The following EXOC1L variants were observed in gnomAD, a reference collection of about 807,000 sequenced individuals.
The protein encoded by EXOC1L is exocyst complex component 1-like.
EXOC1L carries 10 observed loss-of-function variants against 4.9 expected under a neutral mutation model. The ratio of observed to expected loss-of-function variants is 2.02; its 90% CI spans 1.25 to 3.43. The LOEUF (loss-of-function observed/expected upper bound fraction) is 3.43. Ranked by LOEUF, EXOC1L falls within the 30% of genes most tolerant of loss-of-function variation. The probability of loss-of-function intolerance (pLI) is 0.00; values close to 1 mark genes in which losing one functional copy is unlikely to be tolerated. For synonymous variants in EXOC1L, 41 were observed against 20.8 expected, an observed-to-expected ratio of 1.97 and a Z score of -2.63; for missense variants, 114 against 59.4, an observed-to-expected ratio of 1.92 and a Z score of -3.02.
At chr4:55,835,227 ATAT>A (rs1720130347) in intron 2 of EXOC1L, among the ~76,000 whole-genome samples, 1 of 150,716 alleles carries the variant, frequency 6.6e-6, no homozygotes. Context: ...TATGTTATAT[ATAT>A]TATTATTTCT....
Position 55,824,374 on chromosome 4 carries a change from AT to A in EXOC1L, c.121+4233del, listed in dbSNP as rs201922010. On this transcript the variant is annotated intron_variant, in intron 1 of 2. Coordinates refer to ENST00000636125, the MANE Select transcript of EXOC1L (RefSeq NM_001351574.3). Reference sequence around the variant, plus strand: ...ATTTATTTAAATTTAATTTAATTTTATTTTTTGAGGCAAGGTCTCACTTTGA... The same window carrying A: ...ATTTATTTAAATTTAATTTAATTTTATTTTTGAGGCAAGGTCTCACTTTGA... Among the ~76,000 whole-genome samples the A allele has an allele frequency of 3.0e-3, 454 of 151,204 alleles. 1 individual carries two copies. The highest frequency in any genetic ancestry group is 1.0e-2 in the African/African-American group (411 of 41,112).
At chr4:55,822,789 G>T (rs186195140) in intron 1 of EXOC1L, among the ~76,000 whole-genome samples, 47 of 152,220 alleles carry the variant, frequency 3.1e-4, no homozygotes, top group Middle Eastern at 3.4e-3. Context: ...TGCCCACAGT[G>T]CTCCCCTGTT....
chr4:55,825,240 G>A (rs554422691), intron 1 of EXOC1L, among the ~76,000 whole-genome samples: 31 of 152,244 alleles, frequency 2.0e-4, no homozygotes, highest in Non-Finnish European at 3.7e-4. Flanking sequence ...AAGAAGTTAA[G>A]TACCTAGTCC....
In EXOC1L at chr4:55,830,813, T is replaced by C. The variant is rs938746156; in HGVS notation, c.122-521T>C. On this transcript the variant is annotated intron_variant, in intron 1 of 2. Coordinates refer to ENST00000636125, the MANE Select transcript of EXOC1L (RefSeq NM_001351574.3). The stretch of plus-strand genomic sequence containing the variant: ...TAGCTGTGATGCAAGCATTTCTACA[T>C]TGTAAGTCTCAGAGTGAATTTAAAG... Among the ~76,000 whole-genome samples the C allele has an allele frequency of 7.9e-5, 12 of 152,312 alleles. No individual in the cohort carries two copies. In the East Asian group the frequency reaches 1.7e-3, roughly 22 times the overall value.
chr4:55,836,975 A>G, intron 2 of EXOC1L, 110 bp from the exon 3 acceptor site: 1 of 505,370 alleles, frequency 2.0e-6, no homozygotes, highest in Middle Eastern at 2.9e-4. Context: ...AATATGTTTG[A>G]TACTGATACT....
chr4:55,826,992 T>A (rs2110282185), intron 1 of EXOC1L, among the ~76,000 whole-genome samples: 1 of 152,344 alleles, frequency 6.6e-6, no homozygotes, highest in East Asian at 1.9e-4. Context: ...ATTCCCCACC[T>A]CCAACCTATC....
intron 1 of EXOC1L, among the ~76,000 whole-genome samples, 194 bp from the exon 2 acceptor site, chr4:55,831,140 G>A (rs1198242812): frequency 6.6e-6 from 1 of 152,114 alleles, no homozygotes; most frequent in Non-Finnish European, 1.5e-5. Context: ...CAAAAATAAA[G>A]TTAATACGTT....
At chr4:55,831,936 C>G (rs529439839) in intron 2 of EXOC1L, among the ~76,000 whole-genome samples, 1 of 152,020 alleles carries the variant, frequency 6.6e-6, no homozygotes, top group Non-Finnish European at 1.5e-5. Context: ...AATCTCACCA[C>G]TTGACCCCTG....
At chr4:55,820,535 T>A (rs1719714321) in intron 1 of EXOC1L, among the ~76,000 whole-genome samples, 1 of 152,218 alleles carries the variant, frequency 6.6e-6, no homozygotes, top group African/African-American at 2.4e-5. Flanking sequence ...GAGAATTGAG[T>A]TATACAGCAC....
rs1331447121 is a variant in EXOC1L, at chr4:55,831,409, C to CAA, written c.202_203dup (p.Trp69SerfsTer4). 6 of 691,608 alleles carry CAA rather than the reference C, an allele frequency of 8.7e-6. No homozygotes were observed. Among genetic ancestry groups the CAA allele is most frequent in the Non-Finnish European group, 1.6e-5 (6 of 380,440 alleles). The allele number at this position is 691,608 out of a possible 1,614,324, so 42.8% of individuals were successfully genotyped here. ...GGTTTAGATGAAAAATATGAAGTAA[C>CAA]AAAAAAGTGGTCTTTGAACGATCTG... On this transcript the variant is annotated frameshift_variant, in exon 2 of 3. Transcript: ENST00000636125. LOFTEE classifies it high-confidence loss of function.
chr4:55,831,454 A>G lies in EXOC1L; in HGVS notation c.242A>G (p.Glu81Gly). ...GATCTGCAGATGATTGATGGAAAAG[A>G]AGCAGATACTGTAAGTGTTACATTT... is the stretch of plus-strand genomic sequence containing the variant. ...LNDLQMIDGK[E>G]ADTDNPFFDL... Residue 81 changes from glutamate (E) to glycine (G), a missense_variant, in exon 2 of 3, where the codon GAA becomes GGA. Physicochemically the swap from Glu to Gly is moderately conservative, Grantham distance 98. Transcript: ENST00000636125. 1 of 690,960 alleles carries G rather than the reference A, an allele frequency of 1.4e-6. No individual in the cohort carries two copies. Among genetic ancestry groups the G allele is most frequent in the African/African-American group, 1.8e-5 (1 of 56,636 alleles). The allele number at this position is 690,960 out of a possible 1,614,324, so 42.8% of individuals were successfully genotyped here. A position where few individuals can be genotyped will look rare whatever the true frequency, so the allele number is the denominator to read the frequency against.
chr4:55,825,222 T>C (rs1211313148), intron 1 of EXOC1L, among the ~76,000 whole-genome samples: 1 of 152,136 alleles, frequency 6.6e-6, no homozygotes, highest in African/African-American at 2.4e-5. Context: ...GAGGAAACCA[T>C]AGGTCACAAG....
At chr4:55,821,653 GA>G (rs1402754004) in intron 1 of EXOC1L, among the ~76,000 whole-genome samples, 3 of 151,468 alleles carry the variant, frequency 2.0e-5, no homozygotes, top group African/African-American at 4.8e-5. Context: ...TATCTGACAT[GA>G]AAAAAAAGTC....
chr4:55,830,567 C>T (rs1720004730), intron 1 of EXOC1L, among the ~76,000 whole-genome samples: 1 of 152,052 alleles, frequency 6.6e-6, no homozygotes, highest in South Asian at 2.1e-4. Flanking sequence ...GCTCTATGCT[C>T]AAATATTGAT....
intron 1 of EXOC1L, among the ~76,000 whole-genome samples, chr4:55,826,245 T>A (rs1038111887): frequency 6.6e-6 from 1 of 152,158 alleles, no homozygotes; most frequent in Non-Finnish European, 1.5e-5. Context: ...TCTCCATTAT[T>A]TAACTTAAAT....
At chr4:55,831,170 C>G (rs984124207) in intron 1 of EXOC1L, among the ~76,000 whole-genome samples, 164 bp from the exon 2 acceptor site, 5 of 152,134 alleles carry the variant, frequency 3.3e-5, no homozygotes, top group Non-Finnish European at 7.4e-5. Flanking sequence ...TGGGGGCATA[C>G]TGTGAAGATT....
At chr4:55,830,230 G>A (rs1719990848) in intron 1 of EXOC1L, among the ~76,000 whole-genome samples, 1 of 152,154 alleles carries the variant, frequency 6.6e-6, no homozygotes, top group South Asian at 2.1e-4. Flanking sequence ...CGCTAGGAGA[G>A]CATGTCAAAG....
chr4:55,833,965 T>A (rs1222936105), intron 2 of EXOC1L, among the ~76,000 whole-genome samples: 1 of 151,946 alleles, frequency 6.6e-6, no homozygotes, highest in African/African-American at 2.4e-5. Flanking sequence ...CAAGGTTTAT[T>A]TTCTATAGAT....
At chr4:55,825,145 A>G (rs546725817) in intron 1 of EXOC1L, among the ~76,000 whole-genome samples, 1 of 152,336 alleles carries the variant, frequency 6.6e-6, no homozygotes, top group African/African-American at 2.4e-5. Context: ...AGTACCATTT[A>G]TATGCTTTAT....
Sources: gnomAD v4.1 joint callset for allele counts (sites outside exome capture counted in the v4.1 genomes callset) on GRCh38, gnomAD v4.1.1 for gene constraint, MANE v1.5 for transcripts, NCBI Gene and HGNC (gene_info 2026-07-23, HGNC 2026-07-21) for gene names.